Variants in IFFO2 observed in about 807,000 individuals in gnomAD.
IFFO2 encodes the protein intermediate filament family orphan 2.
In IFFO2, 19 loss-of-function variants were observed where a neutral mutation model predicts 53.5. The ratio of observed to expected loss-of-function variants is 0.36; its 90% confidence interval spans 0.25 to 0.52. The LOEUF is 0.52. Ranked by LOEUF, IFFO2 falls within the 20% of genes least tolerant of loss-of-function variation. The pLI is 0.94. For missense variants in IFFO2, 570 were observed against 727.4 expected, an observed-to-expected ratio of 0.78 and a Z score of 2.49; for synonymous variants, 303 against 313.6, an observed-to-expected ratio of 0.97 and a Z score of 0.36.
chr1:18,912,298 T>TA (rs1936053272), intron 5 of IFFO2, among the ~76,000 whole-genome samples: 1 of 119,352 alleles, frequency 8.4e-6, no homozygotes, highest in South Asian at 2.7e-4. Context: ...CTTGTACAAT[T>TA]AAAAATGTGT....
At position 18,919,448 on chromosome 1, in the gene IFFO2, G is replaced by A. The variant is rs571117801; in HGVS notation, c.822+230C>T. ...CGGGGGAGGGCGGGATAGGTTAAGC[G>A]GCAGATTAATGCATCTCTACTCAGA... On this transcript the variant is annotated intron_variant, in intron 3 of 8. Transcript: ENST00000455833. The surrounding 1 kb of genome is among the most constrained non-coding windows in gnomAD (Gnocchi z 4.9). 3.3e-5 allele frequency among the ~76,000 whole-genome samples: 5 copies of A among 151,982 alleles called. No individual in the cohort carries two copies. Among genetic ancestry groups the A allele is most frequent in the South Asian group, 2.1e-4 (1 of 4,776 alleles).
At chr1:18,950,568 C>T (rs1180480219) in intron 1 of IFFO2, among the ~76,000 whole-genome samples, 2 of 152,214 alleles carry the variant, frequency 1.3e-5, no homozygotes, top group African/African-American at 4.8e-5. Flanking sequence ...GGATGCAAAA[C>T]CCTTTTCCAC....
chr1:18,912,227 A>G, intron 5 of IFFO2, 144 bp from the exon 6 acceptor site: 1 of 870,912 alleles, frequency 1.1e-6, no homozygotes, highest in Non-Finnish European at 1.7e-6. Context: ...GCCAAAGGGG[A>G]CATTCGCCTT....
rs1226953188 is a variant in IFFO2, at chr1:18,906,737, A to G, written c.*1824T>C. 6.6e-6 allele frequency: 1 copy of G among 152,196 alleles called. No homozygotes were observed. The highest frequency in any genetic ancestry group is 1.5e-5 in the Non-Finnish European group (1 of 68,038). 9.4% of individuals were successfully genotyped at this position (152,196 alleles called of 1,614,324 possible). On this transcript the variant is annotated 3_prime_UTR_variant, in exon 9 of 9. Coordinates refer to ENST00000455833, the MANE Select transcript of IFFO2 (RefSeq NM_001136265.2). ...TCCCTCCAAGTACCTGTCAAAGGGA[A>G]CTGTTTGGCTAACAAGAGATGCTGA...
In IFFO2 at chr1:18,956,190, T is replaced by A. The variant is rs200529265; in HGVS notation, c.143A>T (p.Asp48Val). Reference protein sequence around the residue: ...GPSPVTAALRDDLGSNIHLLK... With the variant: ...GPSPVTAALRVDLGSNIHLLK... ...GAGGTGGATGTTGGAGCCCAGGTCG[T>A]CCCGCAGCGCCGCCGTCACCGGCGA... The change falls in exon 1 of 9, where the codon GAC (aspartate) becomes GTC (valine). Residue 48 changes from aspartate to valine, a missense_variant. Transcript: ENST00000455833. The surrounding 1 kb of genome is among the most constrained non-coding windows in gnomAD (Gnocchi z 6.4). 6.9e-7 allele frequency: 1 copy of A among 1,442,244 alleles called. No individual in the cohort carries two copies. The highest frequency in any genetic ancestry group is 3.1e-5 in the East Asian group (1 of 31,938). 89.3% of individuals were successfully genotyped at this position (1,442,244 alleles called of 1,614,324 possible).
At chr1:18,920,454 A>G (rs1936201010) in intron 2 of IFFO2, among the ~76,000 whole-genome samples, 1 of 152,200 alleles carries the variant, frequency 6.6e-6, no homozygotes, top group African/African-American at 2.4e-5. Context: ...ATGCCTTCTC[A>G]TGGGGTTGCT....
At chr1:18,945,988 G>A (rs1936582527) in intron 1 of IFFO2, among the ~76,000 whole-genome samples, 1 of 152,182 alleles carries the variant, frequency 6.6e-6, no homozygotes, top group African/African-American at 2.4e-5. Flanking sequence ...CCACACAAAC[G>A]TTCTGCTCTA....
At chr1:18,923,366 A>G (rs1936240605) in intron 1 of IFFO2, among the ~76,000 whole-genome samples, 1 of 152,230 alleles carries the variant, frequency 6.6e-6, no homozygotes, top group Admixed American at 6.5e-5. Context: ...ACCCTTGTAC[A>G]GACGGAGAAA....
intron 5 of IFFO2, among the ~76,000 whole-genome samples, chr1:18,915,370 G>C (rs55866178): frequency 0.088 from 6,633 of 75,038 alleles, 204 homozygotes; most frequent in South Asian, 0.21. Context: ...GAGCCTCCCA[G>C]AGCTCTGATT....
Position 18,905,948 on chromosome 1 carries a change from C to G in IFFO2, c.*2613G>C, listed in dbSNP as rs1935941505. 6.6e-6 allele frequency: 1 copy of G among 152,258 alleles called. No individual in the cohort carries two copies. Among genetic ancestry groups the G allele is most frequent in the South Asian group, 2.1e-4 (1 of 4,834 alleles). 9.4% of individuals were successfully genotyped at this position (152,258 alleles called of 1,614,324 possible). On this transcript the variant is annotated 3_prime_UTR_variant, in exon 9 of 9. Transcript: ENST00000455833. Reference sequence around the variant, plus strand: ...ATGGACCAATTCGTCCCAGCTAGGACTGGTGCTGCCCCAGCGAGCGTTGGG... The same window carrying G: ...ATGGACCAATTCGTCCCAGCTAGGAGTGGTGCTGCCCCAGCGAGCGTTGGG...
At chr1:18,915,002 C>T (rs1025125368) in intron 5 of IFFO2, among the ~76,000 whole-genome samples, 2 of 152,088 alleles carry the variant, frequency 1.3e-5, no homozygotes, top group African/African-American at 4.8e-5. Context: ...CAGGAAGTAT[C>T]AGGCAAAAGA....
At chr1:18,910,242 G>C in intron 8 of IFFO2, 100 bp downstream of exon 8, 1 of 1,347,834 alleles carries the variant, frequency 7.4e-7, no homozygotes, top group Non-Finnish European at 1.0e-6. Context: ...TGGACGGACA[G>C]AGAGACAGGT....
At chr1:18,950,326 T>C (rs1199783528) in intron 1 of IFFO2, among the ~76,000 whole-genome samples, 1 of 152,158 alleles carries the variant, frequency 6.6e-6, no homozygotes, top group African/African-American at 2.4e-5. Flanking sequence ...TCCTTGTAAA[T>C]TAAAGGAACA....
Position 18,936,853 on chromosome 1 carries a change from G to A in IFFO2, c.666-15732C>T, listed in dbSNP as rs577073062. On this transcript the variant is annotated intron_variant, in intron 1 of 8. Coordinates refer to ENST00000455833, the MANE Select transcript of IFFO2 (RefSeq NM_001136265.2). The surrounding 1 kb of genome is among the most constrained non-coding windows in gnomAD (Gnocchi z 4.5). Reference sequence around the variant, plus strand: ...GCAAGGCTCTGCGGCCTTAAGCCAAGTCACTTCTCTAGGGCTCAGTCTCCT... The same window carrying A: ...GCAAGGCTCTGCGGCCTTAAGCCAAATCACTTCTCTAGGGCTCAGTCTCCT... Among the ~76,000 whole-genome samples the A allele has an allele frequency of 5.9e-5, 9 of 151,948 alleles. No homozygotes were observed. In the South Asian group the frequency reaches 1.9e-3, roughly 32 times the overall value.
rs574180284 is a variant in IFFO2 at position 18,916,492 on chromosome 1, G to A, written c.1103+411C>T. Among the ~76,000 whole-genome samples the A allele has an allele frequency of 6.6e-6, 1 of 152,168 alleles. No individual in the cohort carries two copies. Among genetic ancestry groups the A allele is most frequent in the African/African-American group, 2.4e-5 (1 of 41,510 alleles). On this transcript the variant is annotated intron_variant, in intron 5 of 8. Coordinates refer to ENST00000455833, the MANE Select transcript of IFFO2 (RefSeq NM_001136265.2). The surrounding 1 kb of genome is among the most constrained non-coding windows in gnomAD (Gnocchi z 4.3). ...TGTTGAAAATGAGTCTTGGCTGTGT[G>A]CAGTGGTTCACGCCTGTAATCCCAG...
chr1:18,919,642 A>C lies in IFFO2; in HGVS notation c.822+36T>G. 1 of 1,335,272 alleles carries C rather than the reference A, an allele frequency of 7.5e-7. No homozygotes were observed. Among genetic ancestry groups the C allele is most frequent in the Non-Finnish European group, 1.1e-6 (1 of 949,414 alleles). 82.7% of individuals were successfully genotyped at this position (1,335,272 alleles called of 1,614,324 possible). A position where few individuals can be genotyped will look rare whatever the true frequency, so the allele number is the denominator to read the frequency against. On this transcript the variant is annotated intron_variant, in intron 3 of 8. Transcript: ENST00000455833. This position sits in a 1 kb window ranked among gnomAD's most constrained non-coding sequence, Gnocchi z 4.9. ...GCATTTTGCATGATGGGTGTGGGGGAGGTCATGACACCCAGGGGCGGCGGG... is the reference window on the plus strand; with the variant it reads ...GCATTTTGCATGATGGGTGTGGGGGCGGTCATGACACCCAGGGGCGGCGGG...
chr1:18,940,225 A>G (rs550105212), intron 1 of IFFO2, among the ~76,000 whole-genome samples: 35 of 152,324 alleles, frequency 2.3e-4, no homozygotes, highest in African/African-American at 7.9e-4. Flanking sequence ...AGGAAGAGCT[A>G]GGTAAGGGAG....
intron 1 of IFFO2, among the ~76,000 whole-genome samples, chr1:18,931,876 T>TTAC (rs1484125214): frequency 6.6e-6 from 1 of 152,138 alleles, no homozygotes; most frequent in African/African-American, 2.4e-5. Context: ...TGCCCCTGGG[T>TTAC]TACAGTGCCA....
chr1:18,953,379 C>T (rs1201411431), intron 1 of IFFO2, among the ~76,000 whole-genome samples: 2 of 152,180 alleles, frequency 1.3e-5, no homozygotes, highest in East Asian at 1.9e-4. Context: ...CCAAAACATA[C>T]TACTAACAAG....
Sources: gnomAD v4.1 joint callset for allele counts (sites outside exome capture counted in the v4.1 genomes callset) on GRCh38, gnomAD v4.1.1 for gene constraint, Gnocchi (gnomAD v3.1) non-coding constraint, MANE v1.5 for transcripts, NCBI Gene and HGNC (gene_info 2026-07-23, HGNC 2026-07-21) for gene names.